The following DUSP11 variants were observed in gnomAD, a reference collection of about 807,000 sequenced individuals.
DUSP11 encodes RNA/RNP complex-1-interacting phosphatase.
A neutral mutation model predicts 41.4 loss-of-function variants in DUSP11; 27 were observed. The observed-to-expected ratio is 0.65, with a 90% CI of 0.48 to 0.90. DUSP11 has a LOEUF of 0.90. Among genes scored for constraint, DUSP11 ranks in the 40% least tolerant of loss-of-function variants. The pLI is 0.00. For missense variants in DUSP11, 465 were observed against 461.1 expected (o/e 1.01, Z -0.08); for synonymous variants, 188 against 159.3 (o/e 1.18, Z -1.35).
At chr2:73,779,547 G>C (rs1013190694) in intron 1 of DUSP11, 1 of 332,888 alleles carries the variant, frequency 3.0e-6, no homozygotes, top group South Asian at 4.2e-5. Flanking sequence ...CCGTGCCAAC[G>C]TAACAAGGAA....
At chr2:73,772,827 C>G (rs549743744) in intron 4 of DUSP11, among the ~76,000 whole-genome samples, 1 of 152,198 alleles carries the variant, frequency 6.6e-6, no homozygotes, top group Non-Finnish European at 1.5e-5. Context: ...ACCCACTGAT[C>G]CAGTCTCTAT....
At chr2:73,779,990 C>A (rs1314311795) in exon 1 of DUSP11, 1 of 1,614,256 alleles carries the variant, frequency 6.2e-7, no homozygotes, top group Non-Finnish European at 8.5e-7. Context: ...TCCCAAGAAG[C>A]CGCCCACCCA....
intron 5 of DUSP11, chr2:73,768,154 T>C (rs1026915926): frequency 6.6e-6 from 1 of 152,314 alleles, no homozygotes; most frequent in African/African-American, 2.4e-5. Context: ...CATCCCTACC[T>C]GGTTAACACC....
In DUSP11 at chr2:73,773,782, G is replaced by GT. The variant is rs1465243914; in HGVS notation, c.574+17dup. The GT allele has an allele frequency of 2.5e-6, 4 of 1,597,738 alleles. No individual in the cohort carries two copies. Among genetic ancestry groups the GT allele is most frequent in the Non-Finnish European group, 3.4e-6 (4 of 1,171,302 alleles). On this transcript the variant is annotated intron_variant, in intron 4 of 8. Coordinates refer to ENST00000272444, the Ensembl canonical transcript of DUSP11. The stretch of plus-strand genomic sequence containing the variant: ...ATTCATAATGCACACCACAGTTCAG[G>GT]TAAGAACAAAAACTCACCATTATCT...
intron 2 of DUSP11, among the ~76,000 whole-genome samples, chr2:73,777,348 A>G (rs1478019780): frequency 6.6e-6 from 1 of 152,242 alleles, no homozygotes; most frequent in Non-Finnish European, 1.5e-5. Flanking sequence ...AATCTGATCT[A>G]TAAGTCACAA....
At chr2:73,771,643 G>A (rs896241750) in intron 4 of DUSP11, among the ~76,000 whole-genome samples, 7 of 146,282 alleles carry the variant, frequency 4.8e-5, no homozygotes, top group African/African-American at 1.5e-4. Context: ...ACAGGCGCCC[G>A]CCACCATGCC....
intron 8 of DUSP11, among the ~76,000 whole-genome samples, chr2:73,764,139 T>TTCC (rs1341210727): frequency 7.9e-5 from 12 of 152,220 alleles, no homozygotes; most frequent in Non-Finnish European, 1.8e-4. Flanking sequence ...TTTGAAGTAT[T>TTCC]TCCTTAAGTC....
chr2:73,780,106 T>C lies in DUSP11; in HGVS notation c.10A>G (p.Ser4Gly). Reference sequence around the variant, plus strand: ...CCTACGCCGCGCTCCAGCGTCTCGCTATTGCGCATGTGCCACCGCCGGTCG... The same window carrying C: ...CCTACGCCGCGCTCCAGCGTCTCGCCATTGCGCATGTGCCACCGCCGGTCG... The change falls in exon 1 of 9, where the codon AGC becomes GGC. Residue 4 changes from serine (S) to glycine (G), a missense_variant. By Grantham distance (56) the Ser-to-Gly change is moderately conservative (BLOSUM62 0). Coordinates refer to ENST00000272444, the Ensembl canonical transcript of DUSP11. 1 of 1,559,958 alleles carries C rather than the reference T, an allele frequency of 6.4e-7. No individual in the cohort carries two copies. The highest frequency in any genetic ancestry group is 8.7e-7 in the Non-Finnish European group (1 of 1,151,082).
intron 4 of DUSP11, among the ~76,000 whole-genome samples, chr2:73,772,746 T>G (rs1204258269): frequency 6.6e-6 from 1 of 152,116 alleles, no homozygotes; most frequent in Non-Finnish European, 1.5e-5. Flanking sequence ...GTGAACAAGG[T>G]TTAACATAAT....
rs539353964 is a variant in DUSP11 at position 73,766,458 on chromosome 2, G to A, written c.895C>T (p.His299Tyr). 8.1e-6 allele frequency: 13 copies of A among 1,613,886 alleles called. No individual in the cohort carries two copies. In the South Asian group the frequency reaches 1.4e-4, roughly 18 times the overall value. ...AAACTTTGGGTCTGGGTGTGGAAAT[G>A]TCGAGGAGCTGAGTGACCCTGGATC... Residue 299 changes from histidine (H) to tyrosine (Y), a missense_variant, in exon 8 of 9, where the codon CAT (histidine) becomes TAT (tyrosine). His to Tyr is a moderately conservative substitution (Grantham distance 83). Coordinates refer to ENST00000272444, the Ensembl canonical transcript of DUSP11.
In DUSP11 at chr2:73,769,148, A is replaced by C. The variant is rs561205779; in HGVS notation, c.635+117T>G. The stretch of plus-strand genomic sequence containing the variant: ...GGTGGTAATCTCTGGGTGGGGAGCA[A>C]GACTGCCTTCTACTTCATGTATTTC... On this transcript the variant is annotated intron_variant, in intron 5 of 8. Transcript: ENST00000272444. 1.1e-4 allele frequency: 84 copies of C among 787,012 alleles called. No homozygotes were observed. In the Admixed American group the frequency reaches 1.4e-3, roughly 13 times the overall value. The allele number at this position is 787,012 out of a possible 1,614,324, so 48.8% of individuals were successfully genotyped here. A position where few individuals can be genotyped will look rare whatever the true frequency, so the allele number is the denominator to read the frequency against.
intron 8 of DUSP11, among the ~76,000 whole-genome samples, chr2:73,763,535 C>T (rs914756408): frequency 1.3e-5 from 2 of 152,146 alleles, no homozygotes; most frequent in Non-Finnish European, 2.9e-5. Flanking sequence ...ACCAGCCTGA[C>T]TAACATGGAG....
intron 5 of DUSP11, chr2:73,769,009 G>A: frequency 3.1e-6 from 1 of 317,980 alleles, no homozygotes; most frequent in Non-Finnish European, 5.7e-6. Flanking sequence ...AAAGAAAGAT[G>A]TCTATCACAT....
intron 4 of DUSP11, among the ~76,000 whole-genome samples, chr2:73,771,436 C>A (rs866760038): frequency 3.2e-4 from 48 of 151,788 alleles, no homozygotes; most frequent in African/African-American, 1.1e-3. Context: ...CTTCCTCAAT[C>A]TCTCCTCTAT....
At chr2:73,778,501 T>G in intron 1 of DUSP11, 125 bp from the exon 2 acceptor site, 1 of 547,242 alleles carries the variant, frequency 1.8e-6, no homozygotes, top group Non-Finnish European at 3.1e-6. Context: ...TGCTTTGCAT[T>G]TCGCCACTCC....
intron 8 of DUSP11, among the ~76,000 whole-genome samples, chr2:73,763,863 A>G (rs1451594302): frequency 6.6e-6 from 1 of 152,150 alleles, no homozygotes. Context: ...TGACTGTTGA[A>G]TCACAGCCTA....
intron 4 of DUSP11, among the ~76,000 whole-genome samples, chr2:73,771,955 G>C (rs1672591504): frequency 6.6e-6 from 1 of 151,056 alleles, no homozygotes. Flanking sequence ...CGAGTAGCTT[G>C]GACTACAGAT....
chr2:73,778,516 A>T, intron 1 of DUSP11, 140 bp from the exon 2 acceptor site: 2 of 513,284 alleles, frequency 3.9e-6, no homozygotes, highest in Non-Finnish European at 6.7e-6. Context: ...CACTCCACTT[A>T]TTAAACCCCA....
At chr2:73,777,620 G>A (rs746780580) in intron 2 of DUSP11, among the ~76,000 whole-genome samples, 1 of 152,170 alleles carries the variant, frequency 6.6e-6, no homozygotes, top group Non-Finnish European at 1.5e-5. Context: ...TTGTGACCAT[G>A]GAAGGAAAGG....
Sources: allele counts gnomAD v4.1 joint callset (sites outside exome capture counted in the v4.1 genomes callset), GRCh38; gene constraint gnomAD v4.1.1; transcripts MANE v1.5; gene names NCBI Gene and HGNC (gene_info 2026-07-23, HGNC 2026-07-21).